The following SYN3 variants were observed in gnomAD, a reference collection of about 807,000 sequenced individuals.
The protein encoded by SYN3 is synapsin-3.
A neutral mutation model predicts 65.8 loss-of-function variants in SYN3; 35 were observed. The ratio of observed to expected loss-of-function variants is 0.53; its 90% CI spans 0.41 to 0.70. The LOEUF (loss-of-function observed/expected upper bound fraction) is 0.70. SYN3 is among the 30% of genes least tolerant of loss of function. The pLI is 0.00. For synonymous variants in SYN3, 270 were observed against 292.9 expected, an observed-to-expected ratio of 0.92 and a Z score of 0.80; for missense variants, 680 against 749.0, an observed-to-expected ratio of 0.91 and a Z score of 1.08.
intron 6 of SYN3, among the ~76,000 whole-genome samples, chr22:32,721,451 C>T (rs2061116772): frequency 6.6e-6 from 1 of 152,194 alleles, no homozygotes; most frequent in South Asian, 2.1e-4. Context: ...TCCATCCATC[C>T]ATCCCAAGGG....
intron 2 of SYN3, among the ~76,000 whole-genome samples, chr22:32,986,518 T>C (rs567092892): frequency 5.9e-5 from 9 of 152,318 alleles, no homozygotes; most frequent in African/African-American, 1.9e-4. Flanking sequence ...GTCTGTCTCC[T>C]GATGGGCCAC....
chr22:32,724,369 G>A (rs1335014907), intron 6 of SYN3, among the ~76,000 whole-genome samples: 1 of 152,216 alleles, frequency 6.6e-6, no homozygotes, highest in Non-Finnish European at 1.5e-5. Context: ...TGGGACTACA[G>A]AAGGGTAATT....
intron 6 of SYN3, among the ~76,000 whole-genome samples, chr22:32,856,537 A>G (rs954770482): frequency 2.6e-5 from 4 of 152,144 alleles, no homozygotes; most frequent in African/African-American, 7.2e-5. Flanking sequence ...TATTTTATTG[A>G]TACATAATAA....
At chr22:32,939,953 C>T (rs2050888690) in intron 3 of SYN3, among the ~76,000 whole-genome samples, 1 of 152,126 alleles carries the variant, frequency 6.6e-6, no homozygotes, top group Non-Finnish European at 1.5e-5. Flanking sequence ...GTGGTTTTGC[C>T]AATTTACATA....
At chr22:32,568,775 C>T (rs1345954075) in intron 7 of SYN3, among the ~76,000 whole-genome samples, 1 of 152,118 alleles carries the variant, frequency 6.6e-6, no homozygotes, top group Non-Finnish European at 1.5e-5. Flanking sequence ...TAGGTGGATA[C>T]CTAGCTAGCT....
chr22:32,898,966 G>A (rs1012281323), intron 4 of SYN3, among the ~76,000 whole-genome samples: 3 of 152,174 alleles, frequency 2.0e-5, no homozygotes, highest in African/African-American at 7.2e-5. Flanking sequence ...GCTGGATGTG[G>A]TGGCGTGTGC....
chr22:33,028,114 C>T (rs2053669534), intron 1 of SYN3, among the ~76,000 whole-genome samples: 1 of 152,116 alleles, frequency 6.6e-6, no homozygotes, highest in African/African-American at 2.4e-5. Context: ...ATGTTGCCTT[C>T]CCGGGACACA....
chr22:32,636,271 C>G (rs1382703190), intron 6 of SYN3, among the ~76,000 whole-genome samples: 1 of 151,952 alleles, frequency 6.6e-6, no homozygotes, highest in Non-Finnish European at 1.5e-5. Flanking sequence ...GCGTGGTGGC[C>G]AGTGCCTGTA....
chr22:32,779,622 T>C (rs1299133915), intron 6 of SYN3, among the ~76,000 whole-genome samples: 1 of 152,160 alleles, frequency 6.6e-6, no homozygotes, highest in Non-Finnish European at 1.5e-5. Context: ...AGAGGAAACC[T>C]TGGCTCTGAG....
chr22:32,841,163 G>A (rs915963647), intron 6 of SYN3, among the ~76,000 whole-genome samples: 14 of 152,234 alleles, frequency 9.2e-5, no homozygotes, highest in Admixed American at 4.6e-4. Flanking sequence ...TGAGGTGCCT[G>A]TTATGTGCCA....
chr22:32,964,877 GGATGTCTAAA>G (rs1175133859), intron 3 of SYN3, among the ~76,000 whole-genome samples: 1 of 151,906 alleles, frequency 6.6e-6, no homozygotes, highest in African/African-American at 2.4e-5. Context: ...CTTCCCCTTA[GGATGTCTAAA>G]GTCAGACTTG....
intron 4 of SYN3, among the ~76,000 whole-genome samples, chr22:32,923,518 C>A (rs1339896842): frequency 7.2e-5 from 11 of 152,186 alleles, no homozygotes; most frequent in Admixed American, 7.2e-4. Context: ...ACCTTGGTCA[C>A]AATGCATACT....
Position 32,528,925 on chromosome 22 carries a change from C to G in SYN3, c.1179G>C (p.Met393Ile). 1 of 1,614,160 alleles carries G rather than the reference C, an allele frequency of 6.2e-7. No homozygotes were observed. Among genetic ancestry groups the G allele is most frequent in the Non-Finnish European group, 8.5e-7 (1 of 1,180,048 alleles). ...TGCCTCCTGGCATCGGGAGCTGGCTCATTTTGGAGACAACAAGGTCGGCCA... is the reference window on the plus strand; with the variant it reads ...TGCCTCCTGGCATCGGGAGCTGGCTGATTTTGGAGACAACAAGGTCGGCCA... ...QLMADLVVSK[M>I]SQLPMPGGTA... The change falls in exon 11 of 14, where the codon ATG (methionine) becomes ATC (isoleucine). Residue 393 changes from methionine to isoleucine, a missense_variant. Met to Ile is a conservative substitution (Grantham distance 10). Transcript: ENST00000358763.
chr22:32,765,073 G>A (rs941771096), intron 6 of SYN3, among the ~76,000 whole-genome samples: 3 of 148,084 alleles, frequency 2.0e-5, no homozygotes, highest in Non-Finnish European at 4.4e-5. Context: ...TTGAGACCTC[G>A]CCGTTTGCTG....
At chr22:32,872,192 A>C (rs1387512859) in intron 4 of SYN3, among the ~76,000 whole-genome samples, 3 of 152,210 alleles carry the variant, frequency 2.0e-5, no homozygotes, top group Non-Finnish European at 4.4e-5. Flanking sequence ...TTTTCTAAAG[A>C]TGTCAGCTCA....
At chr22:32,932,865 T>C (rs1286203395) in intron 3 of SYN3, among the ~76,000 whole-genome samples, 1 of 152,174 alleles carries the variant, frequency 6.6e-6, no homozygotes, top group Non-Finnish European at 1.5e-5. Context: ...GTAGGGCTGG[T>C]TCCTGCTGAG....
rs766911848 is a variant in SYN3 at position 32,523,235 on chromosome 22, G to A, written c.1318+4683C>T. Among the ~76,000 whole-genome samples the A allele has an allele frequency of 3.3e-5, 5 of 152,152 alleles. No individual in the cohort carries two copies. In the East Asian group the frequency reaches 7.7e-4, roughly 23 times the overall value. On this transcript the variant is annotated intron_variant, in intron 12 of 13. Coordinates refer to ENST00000358763, the MANE Select transcript of SYN3 (RefSeq NM_003490.4). ...ACCCATATAAGACAGTGAACTGGCC[G>A]GGCGTGGTGGCTCATGCCTGTAATC... is the stretch of plus-strand genomic sequence containing the variant.
At chr22:32,536,541 G>C (rs532530884) in intron 9 of SYN3, among the ~76,000 whole-genome samples, 148 of 152,354 alleles carry the variant, frequency 9.7e-4, no homozygotes, top group Non-Finnish European at 1.5e-3. Context: ...GTCTCCAGGG[G>C]TGCAGACCTG....
At chr22:32,733,723 C>A (rs1379680775) in intron 6 of SYN3, among the ~76,000 whole-genome samples, 1 of 152,136 alleles carries the variant, frequency 6.6e-6, no homozygotes, top group Non-Finnish European at 1.5e-5. Flanking sequence ...GTACAAATGG[C>A]TGAAAGTTCA....
Sources: allele counts gnomAD v4.1 joint callset (sites outside exome capture counted in the v4.1 genomes callset), GRCh38; gene constraint gnomAD v4.1.1; transcripts MANE v1.5; gene names NCBI Gene and HGNC (gene_info 2026-07-23, HGNC 2026-07-21).